The following SEZ6L variants were observed in gnomAD, a reference collection of about 807,000 sequenced individuals.
SEZ6L encodes the protein seizure 6-like protein.
In SEZ6L, 37 loss-of-function variants were observed where a neutral mutation model predicts 106.2. The ratio of observed to expected loss-of-function variants is 0.35; its 90% CI spans 0.27 to 0.46. The LOEUF (loss-of-function observed/expected upper bound fraction) is 0.46. Among genes scored for constraint, SEZ6L ranks in the 20% least tolerant of loss-of-function variants. The pLI is 1.00. For synonymous variants in SEZ6L, 541 were observed against 570.4 expected, an observed-to-expected ratio of 0.95 and a Z score of 0.73; for missense variants, 1,172 against 1,332.8, an observed-to-expected ratio of 0.88 and a Z score of 1.88.
intron 1 of SEZ6L, among the ~76,000 whole-genome samples, chr22:26,269,314 C>G (rs1275915755): frequency 6.6e-6 from 1 of 152,152 alleles, no homozygotes; most frequent in Non-Finnish European, 1.5e-5. Context: ...CCTGGAGATT[C>G]TGCTGCAAGT....
chr22:26,320,760 A>G (rs1297992027), intron 9 of SEZ6L, among the ~76,000 whole-genome samples: 2 of 152,170 alleles, frequency 1.3e-5, no homozygotes, highest in Non-Finnish European at 2.9e-5. Flanking sequence ...AGTCTAAGTC[A>G]GTTTTTCTCA....
At chr22:26,200,731 C>T (rs1324990509) in intron 1 of SEZ6L, among the ~76,000 whole-genome samples, 1 of 152,196 alleles carries the variant, frequency 6.6e-6, no homozygotes, top group Non-Finnish European at 1.5e-5. Context: ...AAGGACTTCT[C>T]TCATCATGCC....
chr22:26,225,245 C>T (rs937118120), intron 1 of SEZ6L, among the ~76,000 whole-genome samples: 1 of 152,220 alleles, frequency 6.6e-6, no homozygotes, highest in Admixed American at 6.5e-5. Context: ...ACACCAAACA[C>T]AGGACGAGCT....
intron 10 of SEZ6L, among the ~76,000 whole-genome samples, chr22:26,346,900 G>A (rs751297251): frequency 3.9e-5 from 6 of 152,124 alleles, no homozygotes; most frequent in Non-Finnish European, 7.3e-5. Context: ...GACTACACAA[G>A]AGTGTAAATT....
intron 5 of SEZ6L, 97 bp from the exon 6 acceptor site, chr22:26,305,882 A>T: frequency 4.2e-5 from 49 of 1,171,340 alleles, no homozygotes; most frequent in Non-Finnish European, 5.2e-5. Context: ...TGAAACACTC[A>T]CTTCCTTCTC....
chr22:26,189,199 G>A (rs1221153559), intron 1 of SEZ6L, among the ~76,000 whole-genome samples: 1 of 152,198 alleles, frequency 6.6e-6, no homozygotes, highest in Admixed American at 6.5e-5. Context: ...CCTCCTTGCA[G>A]CAATGTTGTG....
chr22:26,362,651 A>C (rs738403), intron 12 of SEZ6L, among the ~76,000 whole-genome samples: 105,706 of 151,592 alleles, frequency 0.7, 37,249 homozygotes, highest in East Asian at 0.96. Context: ...TGAAGTAAGC[A>C]CTCAAGATAT....
chr22:26,294,458 C>T (rs1385549879), intron 3 of SEZ6L, 33 bp downstream of exon 3: 1 of 1,603,098 alleles, frequency 6.2e-7, no homozygotes, highest in South Asian at 1.1e-5. Flanking sequence ...CAGAGGCTGC[C>T]TCGTCTAGCA....
chr22:26,255,270 T>C (rs1030457480), intron 1 of SEZ6L, among the ~76,000 whole-genome samples: 1 of 152,202 alleles, frequency 6.6e-6, no homozygotes, highest in Non-Finnish European at 1.5e-5. Context: ...CCCAGGCATC[T>C]GCATTTACAA....
chr22:26,198,031 G>T (rs61684134), intron 1 of SEZ6L, among the ~76,000 whole-genome samples: 2,115 of 152,308 alleles, frequency 0.014, 49 homozygotes, highest in African/African-American at 0.049. Context: ...CTTATAGATG[G>T]ACTGGGGCAA....
At chr22:26,213,964 T>C (rs570424709) in intron 1 of SEZ6L, among the ~76,000 whole-genome samples, 1 of 152,186 alleles carries the variant, frequency 6.6e-6, no homozygotes, top group South Asian at 2.1e-4. Flanking sequence ...CAAGGATGGA[T>C]TGGGCCCACA....
chr22:26,256,240 T>G (rs2079816284), intron 1 of SEZ6L, among the ~76,000 whole-genome samples: 1 of 152,122 alleles, frequency 6.6e-6, no homozygotes, highest in South Asian at 2.1e-4. Context: ...GCCAGGGACG[T>G]GTGCATGAAA....
chr22:26,273,338 C>T (rs1025163550), intron 1 of SEZ6L, among the ~76,000 whole-genome samples: 4 of 152,222 alleles, frequency 2.6e-5, no homozygotes, highest in Admixed American at 1.3e-4. Context: ...TAGCCCCTGC[C>T]GGGTGGGGAG....
In SEZ6L at chr22:26,182,623, T is replaced by A. The variant is rs73156819; in HGVS notation, c.94+12860T>A. Among the ~76,000 whole-genome samples, 698 of 152,106 alleles carry A rather than the reference T, an allele frequency of 4.6e-3. 6 individuals are homozygous for A. Among genetic ancestry groups the A allele is most frequent in the Middle Eastern group, 0.017 (5 of 294 alleles). On this transcript the variant is annotated intron_variant, in intron 1 of 16. Transcript: ENST00000248933. Reference sequence around the variant, plus strand: ...TCTTGATACAGGAAAGGGGCCCTGGTGTATAATAACCAGCTAGAACAGAAT... The same window carrying A: ...TCTTGATACAGGAAAGGGGCCCTGGAGTATAATAACCAGCTAGAACAGAAT...
chr22:26,209,003 G>C (rs1431841107), intron 1 of SEZ6L, among the ~76,000 whole-genome samples: 1 of 151,042 alleles, frequency 6.6e-6, no homozygotes, highest in African/African-American at 2.4e-5. Flanking sequence ...ACCTATCTTC[G>C]AGTTTATTTA....
Position 26,292,454 on chromosome 22 carries a change from C to A in SEZ6L, c.143C>A (p.Pro48His). 1 of 1,613,932 alleles carries A rather than the reference C, an allele frequency of 6.2e-7. No individual in the cohort carries two copies. The highest frequency in any genetic ancestry group is 8.5e-7 in the Non-Finnish European group (1 of 1,179,942). ...DASPLGPYLL[P>H]SGAPERGSPG... ...AGCCCTTTGGGTCCTTACCTCCTGCCCTCAGGAGCCCCGGAGAGAGGCAGT... is the reference window on the plus strand; with the variant it reads ...AGCCCTTTGGGTCCTTACCTCCTGCACTCAGGAGCCCCGGAGAGAGGCAGT... Residue 48 changes from proline to histidine, a missense_variant, in exon 2 of 17, where the codon CCC (proline) becomes CAC (histidine). Around this residue, in one of 4 missense-constraint regions of SEZ6L, gnomAD observed 494 missense variants for 445.8 expected, o/e 1.11. Transcript: ENST00000248933.
At chr22:26,341,476 A>C (rs1044092818) in intron 10 of SEZ6L, among the ~76,000 whole-genome samples, 1 of 152,086 alleles carries the variant, frequency 6.6e-6, no homozygotes, top group Non-Finnish European at 1.5e-5. Flanking sequence ...CCTCTCTTCC[A>C]GCTAGACTCA....
chr22:26,313,337 C>T (rs1201799086), intron 8 of SEZ6L, among the ~76,000 whole-genome samples: 2 of 152,136 alleles, frequency 1.3e-5, no homozygotes, highest in Non-Finnish European at 2.9e-5. Flanking sequence ...AAATTACATA[C>T]CTCCTCCTAC....
At chr22:26,374,431 A>G (rs1225184397) in intron 14 of SEZ6L, among the ~76,000 whole-genome samples, 1 of 152,092 alleles carries the variant, frequency 6.6e-6, no homozygotes, top group Non-Finnish European at 1.5e-5. Flanking sequence ...AGCAGGTGGA[A>G]CTAGGGCTCA....
Sources: allele counts gnomAD v4.1 joint callset (sites outside exome capture counted in the v4.1 genomes callset), GRCh38; gene constraint gnomAD v4.1.1; regional missense constraint gnomAD v4.1.1; transcripts MANE v1.5; gene names NCBI Gene and HGNC (gene_info 2026-07-23, HGNC 2026-07-21).